Variants in FHIP2A observed in about 807,000 individuals in gnomAD.
The protein encoded by FHIP2A is family with sequence similarity 160 member B1.
A neutral mutation model predicts 93.5 loss-of-function variants in FHIP2A; 46 were observed. That is an observed-to-expected ratio of 0.49 (90% CI 0.39 to 0.63). FHIP2A has a LOEUF of 0.63. Among genes scored for constraint, FHIP2A ranks in the 20% least tolerant of loss-of-function variants. FHIP2A has a pLI of 0.00. For synonymous variants in FHIP2A, 332 were observed against 326.5 expected, an observed-to-expected ratio of 1.02 and a Z score of -0.18; for missense variants, 769 against 909.7, an observed-to-expected ratio of 0.85 and a Z score of 1.99.
intron 13 of FHIP2A, among the ~76,000 whole-genome samples, chr10:114,849,860 G>C (rs955184059): frequency 1.3e-5 from 2 of 152,118 alleles, no homozygotes; most frequent in Admixed American, 6.5e-5. Flanking sequence ...CACAAAAATG[G>C]AATCATACTA....
At chr10:114,872,135 C>T (rs1026485365) in intron 16 of FHIP2A, among the ~76,000 whole-genome samples, 5 of 152,174 alleles carry the variant, frequency 3.3e-5, no homozygotes, top group Non-Finnish European at 4.4e-5. Context: ...AAAGCTAATT[C>T]TTCCCAGGTC....
At chr10:114,878,231 G>A (rs958622486) in intron 16 of FHIP2A, among the ~76,000 whole-genome samples, 1 of 152,056 alleles carries the variant, frequency 6.6e-6, no homozygotes, top group Non-Finnish European at 1.5e-5. Flanking sequence ...ATTATGAATG[G>A]CTGCCTAGAA....
At chr10:114,871,725 C>T (rs999113062) in intron 16 of FHIP2A, among the ~76,000 whole-genome samples, 3 of 152,088 alleles carry the variant, frequency 2.0e-5, no homozygotes, top group Non-Finnish European at 4.4e-5. Flanking sequence ...GAGGCTGGTA[C>T]GCCCCTCATT....
intron 13 of FHIP2A, among the ~76,000 whole-genome samples, chr10:114,849,721 C>T (rs2083723520): frequency 6.6e-6 from 1 of 152,158 alleles, no homozygotes; most frequent in Admixed American, 6.5e-5. Context: ...AGATTGCTAT[C>T]ACCCCAGAAA....
Position 114,845,481 on chromosome 10 carries a change from G to C in FHIP2A, c.1128G>C (p.Lys376Asn), listed in dbSNP as rs1268131191. The change falls in exon 8 of 17, where the codon AAG becomes AAC. Residue 376 changes from lysine (K) to asparagine (N), a missense_variant and splice_region_variant. Transcript: ENST00000369248. ...YCDQLIKEAQKTAAVALAKAV... is the reference protein window; with the variant it reads ...YCDQLIKEAQNTAAVALAKAV... ...ATCAGCTCATTAAGGAAGCCCAAAA[G>C]GTTTGTAATTTTTTATTGTTTTTTG... is the stretch of plus-strand genomic sequence containing the variant. 3.2e-6 allele frequency: 5 copies of C among 1,574,862 alleles called. No individual in the cohort carries two copies. Among genetic ancestry groups the C allele is most frequent in the Non-Finnish European group, 4.3e-6 (5 of 1,151,346 alleles).
chr10:114,891,570 T>C (rs1260065720), intron 16 of FHIP2A, among the ~76,000 whole-genome samples: 4 of 147,416 alleles, frequency 2.7e-5, no homozygotes, highest in African/African-American at 1.0e-4. Context: ...TGTGTGTGTG[T>C]GTGCACGCGT....
chr10:114,840,426 TG>T (rs1388733823), intron 5 of FHIP2A, among the ~76,000 whole-genome samples: 3 of 152,196 alleles, frequency 2.0e-5, no homozygotes, highest in Non-Finnish European at 4.4e-5. Flanking sequence ...TTGTAGATAC[TG>T]GGGAGCCATT....
At chr10:114,876,271 C>G (rs1170932478) in intron 16 of FHIP2A, among the ~76,000 whole-genome samples, 1 of 152,184 alleles carries the variant, frequency 6.6e-6, no homozygotes. Flanking sequence ...ACCAGGCATG[C>G]AGGTCCACGT....
chr10:114,845,302 A>G (rs1566371452), intron 7 of FHIP2A, 65 bp from the exon 8 acceptor site: 6 of 874,134 alleles, frequency 6.9e-6, no homozygotes, highest in South Asian at 4.4e-5. Context: ...ATTTTTCCAT[A>G]CATTCTGAAT....
At chr10:114,825,067 G>C (rs1342199683) in intron 1 of FHIP2A, among the ~76,000 whole-genome samples, 1 of 152,156 alleles carries the variant, frequency 6.6e-6, no homozygotes, top group Non-Finnish European at 1.5e-5. Flanking sequence ...ACCCAGGCTA[G>C]AGTGCAGTGA....
At chr10:114,887,852 A>T (rs917597175) in intron 16 of FHIP2A, among the ~76,000 whole-genome samples, 1 of 152,236 alleles carries the variant, frequency 6.6e-6, no homozygotes, top group African/African-American at 2.4e-5. Flanking sequence ...AAGAATTAAT[A>T]TGGGAAATGG....
At chr10:114,875,710 A>G (rs2083881778) in intron 16 of FHIP2A, among the ~76,000 whole-genome samples, 1 of 149,606 alleles carries the variant, frequency 6.7e-6, no homozygotes, top group African/African-American at 2.5e-5. Flanking sequence ...AAAAGAAAGA[A>G]AGAGAGAGAA....
chr10:114,845,448 T>G lies in FHIP2A; in HGVS notation c.1095T>G (p.Asp365Glu). The G allele has an allele frequency of 6.2e-7, 1 of 1,613,334 alleles. No homozygotes were observed. The part of the protein sequence containing the change: ...RALISFLSWF[D>E]YCDQLIKEAQ... ...TAATTTCATTTCTTTCCTGGTTTGA[T>G]TATTGTGATCAGCTCATTAAGGAAG... Residue 365 changes from aspartate to glutamate, a missense_variant, in exon 8 of 17, where the codon GAT (aspartate) becomes GAG (glutamate). Asp to Glu is a conservative substitution (Grantham distance 45). Coordinates refer to ENST00000369248, the MANE Select transcript of FHIP2A (RefSeq NM_020940.4).
At chr10:114,855,990 C>T (rs768112168) in intron 14 of FHIP2A, among the ~76,000 whole-genome samples, 2 of 152,158 alleles carry the variant, frequency 1.3e-5, no homozygotes, top group Non-Finnish European at 2.9e-5. Flanking sequence ...CTTTGAAATG[C>T]TTGACTCATT....
At position 114,846,643 on chromosome 10, in the gene FHIP2A, C is replaced by A. The variant is rs1449417292; in HGVS notation, c.1483C>A (p.Leu495Ile). 3.1e-6 allele frequency: 5 copies of A among 1,611,836 alleles called. No individual in the cohort carries two copies. The African/African-American group carries it at 6.7e-5, about 22-fold the overall frequency. ...TCTTTACAACTTGGTCTTGAGAAAT[C>A]TTGAAGAAAGAAATTATACAGAATA... Reference protein sequence around the residue: ...HILYNLVLRNLEERNYTEYKP... With the variant: ...HILYNLVLRNIEERNYTEYKP... Residue 495 changes from leucine (L) to isoleucine (I), a missense_variant, in exon 11 of 17, where the codon CTT becomes ATT. Coordinates refer to ENST00000369248, the MANE Select transcript of FHIP2A (RefSeq NM_020940.4).
At chr10:114,845,251 T>G (rs879803781) in intron 7 of FHIP2A, 116 bp from the exon 8 acceptor site, 1 of 551,048 alleles carries the variant, frequency 1.8e-6, no homozygotes, top group African/African-American at 1.8e-5. Context: ...GCATTTCCTG[T>G]GTGAATGTAC....
chr10:114,839,526 A>G (rs945172726), intron 5 of FHIP2A, among the ~76,000 whole-genome samples: 2 of 152,194 alleles, frequency 1.3e-5, no homozygotes, highest in Non-Finnish European at 2.9e-5. Context: ...TCTATTCATT[A>G]CTGTCAGCCA....
chr10:114,889,279 C>T (rs923891505), intron 16 of FHIP2A, among the ~76,000 whole-genome samples: 12 of 152,130 alleles, frequency 7.9e-5, no homozygotes, highest in Non-Finnish European at 1.3e-4. Context: ...AGAACTCAAA[C>T]ATTATAAAAG....
intron 1 of FHIP2A, among the ~76,000 whole-genome samples, chr10:114,828,784 T>A (rs754799139): frequency 1.3e-5 from 2 of 152,362 alleles, no homozygotes; most frequent in African/African-American, 2.4e-5. Context: ...TTTAACTCCT[T>A]TCTTGCAGTC....
Sources: gnomAD v4.1 joint callset for allele counts (sites outside exome capture counted in the v4.1 genomes callset) on GRCh38, gnomAD v4.1.1 for gene constraint, MANE v1.5 for transcripts, NCBI Gene and HGNC (gene_info 2026-07-23, HGNC 2026-07-21) for gene names.